Variants in GRID2 observed in about 807,000 individuals in gnomAD.
The protein encoded by GRID2 is glutamate ionotropic receptor delta type subunit 2.
A neutral mutation model predicts 114.8 loss-of-function variants in GRID2; 33 were observed. That is an observed-to-expected ratio of 0.29 (90% CI 0.22 to 0.38). GRID2 has a LOEUF of 0.38. Among genes scored for constraint, GRID2 ranks in the 10% least tolerant of loss-of-function variants. GRID2 has a pLI of 1.00. For synonymous variants in GRID2, 505 were observed against 449.9 expected (o/e 1.12, Z -1.55); for missense variants, 1,184 against 1,257.7 (o/e 0.94, Z 0.89).
chr4:93,247,531 G>A (rs1748344280), intron 8 of GRID2, among the ~76,000 whole-genome samples: 1 of 152,026 alleles, frequency 6.6e-6, no homozygotes, highest in African/African-American at 2.4e-5. Context: ...GCTGGGAATT[G>A]CACCATCAGC....
chr4:92,989,276 C>CAAAAAAA (rs1182397768), intron 2 of GRID2, among the ~76,000 whole-genome samples: 39 of 74,258 alleles, frequency 5.3e-4, no homozygotes, highest in East Asian at 2.2e-3. Context: ...GACTCCATCT[C>CAAAAAAA]AAAAAAAAAA....
chr4:93,333,970 C>T (rs1758763823), intron 8 of GRID2, among the ~76,000 whole-genome samples: 1 of 152,100 alleles, frequency 6.6e-6, no homozygotes, highest in Non-Finnish European at 1.5e-5. Flanking sequence ...GTGCCATCCC[C>T]AGACAGTGAT....
At chr4:92,845,980 C>T (rs1392855091) in intron 2 of GRID2, among the ~76,000 whole-genome samples, 1 of 152,186 alleles carries the variant, frequency 6.6e-6, no homozygotes, top group Non-Finnish European at 1.5e-5. Flanking sequence ...TAGCCCCAAC[C>T]TCAAAGCTAT....
chr4:92,735,791 G>A (rs939553581), intron 2 of GRID2, among the ~76,000 whole-genome samples: 11 of 151,666 alleles, frequency 7.3e-5, no homozygotes, highest in Non-Finnish European at 1.5e-4. Flanking sequence ...TTGAATGTCT[G>A]TTCCTTAGGT....
intron 1 of GRID2, among the ~76,000 whole-genome samples, chr4:92,558,678 A>C (rs1726977975): frequency 6.6e-6 from 1 of 152,150 alleles, no homozygotes; most frequent in Non-Finnish European, 1.5e-5. Context: ...AAAGGCACCA[A>C]CAGATGCTGC....
chr4:92,415,840 A>G (rs1286233704), intron 1 of GRID2, among the ~76,000 whole-genome samples: 2 of 143,456 alleles, frequency 1.4e-5, no homozygotes, highest in Non-Finnish European at 3.0e-5. Flanking sequence ...TATCTTTGCA[A>G]TCGTGAATTG....
chr4:92,378,835 G>T (rs1008379719), intron 1 of GRID2, among the ~76,000 whole-genome samples: 1 of 151,806 alleles, frequency 6.6e-6, no homozygotes, highest in Non-Finnish European at 1.5e-5. Context: ...GCTGTCTTAT[G>T]ATTTTGCTCA....
intron 2 of GRID2, among the ~76,000 whole-genome samples, chr4:92,940,145 A>G (rs917430169): frequency 1.4e-5 from 2 of 147,078 alleles, no homozygotes; most frequent in East Asian, 2.2e-4. Context: ...GAAACTATAA[A>G]TTACCTTGAG....
intron 2 of GRID2, among the ~76,000 whole-genome samples, chr4:92,616,970 A>C (rs1450502): frequency 6.6e-6 from 1 of 151,232 alleles, no homozygotes; most frequent in African/African-American, 2.4e-5. Flanking sequence ...TGTGATACAT[A>C]TAATGTATAG....
intron 2 of GRID2, among the ~76,000 whole-genome samples, chr4:92,709,582 AAAAAAAAATAT>A (rs1040721695): frequency 8.4e-5 from 11 of 130,428 alleles, no homozygotes; most frequent in African/African-American, 3.3e-4. Context: ...GAAAAAAAAA[AAAAAAAAATAT>A]ATATATATAT....
At chr4:93,706,945 A>G (rs1390373107) in intron 14 of GRID2, among the ~76,000 whole-genome samples, 1 of 152,088 alleles carries the variant, frequency 6.6e-6, no homozygotes, top group East Asian at 1.9e-4. Flanking sequence ...ATGCCTTTTT[A>G]TCATCAATTG....
chr4:93,750,448 A>G (rs1285974577), intron 14 of GRID2, among the ~76,000 whole-genome samples: 1 of 152,200 alleles, frequency 6.6e-6, no homozygotes, highest in Non-Finnish European at 1.5e-5. Flanking sequence ...ATAGTCACGT[A>G]CAATTGGAAA....
chr4:92,494,251 A>G (rs1217736639), intron 1 of GRID2, among the ~76,000 whole-genome samples: 1 of 152,012 alleles, frequency 6.6e-6, no homozygotes, highest in Admixed American at 6.6e-5. Context: ...GAGAGCCATT[A>G]GAAATTTATA....
chr4:92,941,214 G>A (rs1197391897), intron 2 of GRID2, among the ~76,000 whole-genome samples: 4 of 152,014 alleles, frequency 2.6e-5, no homozygotes, highest in African/African-American at 4.8e-5. Context: ...TTTTTTGGTT[G>A]GTAAGCTATT....
intron 13 of GRID2, among the ~76,000 whole-genome samples, chr4:93,590,817 A>G (rs1224917814): frequency 6.7e-6 from 1 of 149,910 alleles, no homozygotes; most frequent in Non-Finnish European, 1.5e-5. Flanking sequence ...CTTTGAAGCA[A>G]TTGTGAATGG....
chr4:92,815,758 TAAATA>T (rs1740864229), intron 2 of GRID2, among the ~76,000 whole-genome samples: 1 of 149,160 alleles, frequency 6.7e-6, no homozygotes. Flanking sequence ...ACAAAATAAA[TAAATA>T]AATAAAAACT....
rs1261258517 is a variant in GRID2 at position 92,625,030 on chromosome 4, T to G, written c.244+34744T>G. ...GGTATACCTTTTTAGAGTAATTCAT[T>G]TTCTCACTGTGATAATATCTTTATA... On this transcript the variant is annotated intron_variant, in intron 2 of 15. Transcript: ENST00000282020. Among the ~76,000 whole-genome samples the G allele has an allele frequency of 4.6e-5, 7 of 151,700 alleles. No individual in the cohort carries two copies. In the Admixed American group the frequency reaches 4.6e-4, roughly 10 times the overall value.
intron 2 of GRID2, among the ~76,000 whole-genome samples, chr4:92,720,243 A>G (rs1050842455): frequency 1.3e-5 from 2 of 152,086 alleles, no homozygotes; most frequent in African/African-American, 4.8e-5. Flanking sequence ...AAAATTACAC[A>G]GGTAAAATTG....
At chr4:93,393,868 A>G (rs1405693278) in intron 8 of GRID2, among the ~76,000 whole-genome samples, 1 of 151,994 alleles carries the variant, frequency 6.6e-6, no homozygotes, top group East Asian at 1.9e-4. Flanking sequence ...AGGGGGACAG[A>G]AAAGAAATTC....
Sources: allele counts gnomAD v4.1 joint callset (sites outside exome capture counted in the v4.1 genomes callset), GRCh38; gene constraint gnomAD v4.1.1; transcripts MANE v1.5; gene names NCBI Gene and HGNC (gene_info 2026-07-23, HGNC 2026-07-21).